The following CCDC91 variants were observed in gnomAD, a reference collection of about 807,000 sequenced individuals.
CCDC91 encodes the protein coiled-coil domain-containing protein 91.
Under a neutral mutation model 63.2 loss-of-function variants are expected in CCDC91, and 48 were observed. The ratio of observed to expected loss-of-function variants is 0.76; its 90% confidence interval spans 0.60 to 0.97. The LOEUF (loss-of-function observed/expected upper bound fraction) is 0.97. CCDC91 is among the 50% of genes least tolerant of loss of function. CCDC91 has a pLI of 0.00. For missense variants in CCDC91, 500 were observed against 494.6 expected (o/e 1.01, Z -0.10); for synonymous variants, 167 against 165.8 (o/e 1.01, Z -0.06).
chr12:28,423,705 A>T (rs184965471), intron 8 of CCDC91, among the ~76,000 whole-genome samples: 15 of 152,302 alleles, frequency 9.8e-5, no homozygotes, highest in Non-Finnish European at 1.5e-4. Flanking sequence ...TGGAGGAGCC[A>T]AACTCAGCCA....
chr12:28,334,674 T>C (rs1941787891), intron 6 of CCDC91, among the ~76,000 whole-genome samples: 1 of 152,182 alleles, frequency 6.6e-6, no homozygotes, highest in Admixed American at 6.5e-5. Context: ...TTTTATACTT[T>C]AGAAAATGGT....
intron 8 of CCDC91, among the ~76,000 whole-genome samples, chr12:28,415,978 T>C (rs1947633269): frequency 6.6e-6 from 1 of 151,920 alleles, no homozygotes; most frequent in Non-Finnish European, 1.5e-5. Flanking sequence ...TGTTTTTTTT[T>C]TTCTTTTTTC....
intron 12 of CCDC91, among the ~76,000 whole-genome samples, chr12:28,546,140 A>G (rs1055008903): frequency 2.0e-5 from 3 of 152,102 alleles, no homozygotes; most frequent in African/African-American, 7.2e-5. Context: ...TTCATCCTCC[A>G]AATACAACTA....
chr12:28,515,869 G>A (rs1283433847), intron 12 of CCDC91, among the ~76,000 whole-genome samples: 2 of 151,592 alleles, frequency 1.3e-5, no homozygotes, highest in South Asian at 2.1e-4. Context: ...CCAACATCCC[G>A]GACCCTCACC....
In CCDC91 at chr12:28,484,077, AAG is replaced by A. The variant is rs771012846; in HGVS notation, c.1130_1131del (p.Glu377AlafsTer5). On this transcript the variant is annotated frameshift_variant, in exon 12 of 13. Coordinates refer to ENST00000536442, the MANE Select transcript of CCDC91 (RefSeq NM_018318.5). LOFTEE classifies it high-confidence loss of function. ...GAAACTGTTAAGGCAGCAATAATAG[AAG>A]AGCAGAAACGAAGTGAAAAGGCTGT... 6.2e-7 allele frequency: 1 copy of A among 1,611,424 alleles called. No individual in the cohort carries two copies. Among genetic ancestry groups the A allele is most frequent in the Non-Finnish European group, 8.5e-7 (1 of 1,178,632 alleles).
chr12:28,384,939 G>A (rs1171884172), intron 7 of CCDC91, among the ~76,000 whole-genome samples: 1 of 151,824 alleles, frequency 6.6e-6, no homozygotes. Context: ...CAGTTTTGAG[G>A]GGATATGATA....
intron 8 of CCDC91, among the ~76,000 whole-genome samples, chr12:28,406,672 C>G (rs1946967930): frequency 6.6e-6 from 1 of 151,932 alleles, no homozygotes; most frequent in South Asian, 2.1e-4. Context: ...ATTTGGGTGT[C>G]TTATCCAAGA....
chr12:28,464,574 T>A (rs1950463164), intron 11 of CCDC91, among the ~76,000 whole-genome samples: 2 of 152,262 alleles, frequency 1.3e-5, no homozygotes, highest in South Asian at 4.2e-4. Flanking sequence ...GGGCGACATT[T>A]CTAGACATAT....
chr12:28,241,636 G>A (rs1485370235), intron 1 of CCDC91, among the ~76,000 whole-genome samples: 2 of 152,100 alleles, frequency 1.3e-5, no homozygotes, highest in Non-Finnish European at 2.9e-5. Flanking sequence ...TCTTGTGCAA[G>A]ACTTTTGGTA....
At chr12:28,477,134 ATCC>A (rs1182801428) in intron 11 of CCDC91, among the ~76,000 whole-genome samples, 1 of 152,172 alleles carries the variant, frequency 6.6e-6, no homozygotes, top group African/African-American at 2.4e-5. Context: ...GGCCAGCATC[ATCC>A]TCATTCCAAA....
chr12:28,314,937 T>G lies in CCDC91; in HGVS notation c.576+7188T>G, dbSNP rs76968103. ...ATTTTCTTTCTTATTTCAAAGCTAA[T>G]TGAATGATTGAATTATTCAATCCAT... On this transcript the variant is annotated intron_variant, in intron 6 of 12. Transcript: ENST00000536442. Among the ~76,000 whole-genome samples the G allele has an allele frequency of 4.7e-3, 708 of 152,034 alleles. 3 individuals are homozygous for G. Among genetic ancestry groups the G allele is most frequent in the South Asian group, 0.012 (56 of 4,824 alleles).
intron 8 of CCDC91, among the ~76,000 whole-genome samples, chr12:28,395,733 A>G (rs1946252473): frequency 6.6e-6 from 1 of 152,176 alleles, no homozygotes; most frequent in Non-Finnish European, 1.5e-5. Context: ...AGGCATGAAT[A>G]AAGGGTTGAA....
chr12:28,247,802 A>G (rs1945853641), intron 1 of CCDC91, among the ~76,000 whole-genome samples: 1 of 152,132 alleles, frequency 6.6e-6, no homozygotes, highest in Non-Finnish European at 1.5e-5. Flanking sequence ...ATGAACTGGA[A>G]CGTTGGGAGA....
At chr12:28,215,735 G>A (rs769826170) in intron 1 of CCDC91, among the ~76,000 whole-genome samples, 2 of 152,110 alleles carry the variant, frequency 1.3e-5, no homozygotes, top group Non-Finnish European at 2.9e-5. Flanking sequence ...GACATAGACA[G>A]AAGCAGTGGA....
chr12:28,234,781 A>G (rs913650601), intron 1 of CCDC91, among the ~76,000 whole-genome samples: 3 of 151,808 alleles, frequency 2.0e-5, no homozygotes, highest in Non-Finnish European at 4.4e-5. Context: ...TTAAAGTTTC[A>G]GTATCTTACA....
intron 8 of CCDC91, among the ~76,000 whole-genome samples, chr12:28,392,197 A>AT (rs1270023907): frequency 4.6e-5 from 7 of 152,168 alleles, no homozygotes; most frequent in Non-Finnish European, 1.0e-4. Context: ...CACAAATACA[A>AT]TTATACTGTT....
chr12:28,431,041 C>T (rs2140081452), intron 8 of CCDC91, among the ~76,000 whole-genome samples: 1 of 152,238 alleles, frequency 6.6e-6, no homozygotes, highest in Admixed American at 6.5e-5. Context: ...GCAAGTATGA[C>T]ATTTTTAATC....
chr12:28,431,667 T>A (rs1292474463), intron 8 of CCDC91, among the ~76,000 whole-genome samples: 1 of 152,040 alleles, frequency 6.6e-6, no homozygotes, highest in Non-Finnish European at 1.5e-5. Flanking sequence ...ATATACCTCC[T>A]GTCCCCCAAA....
chr12:28,429,655 A>T (rs1948522164), intron 8 of CCDC91, among the ~76,000 whole-genome samples: 2 of 152,142 alleles, frequency 1.3e-5, no homozygotes, highest in African/African-American at 4.8e-5. Context: ...TAGCAGAGAA[A>T]GTAAGGGTAT....
Sources: allele counts gnomAD v4.1 joint callset (sites outside exome capture counted in the v4.1 genomes callset), GRCh38; gene constraint gnomAD v4.1.1; transcripts MANE v1.5; gene names NCBI Gene and HGNC (gene_info 2026-07-23, HGNC 2026-07-21).